MEI1: variants seen among roughly 807,000 people sequenced by gnomAD.
MEI1 encodes meiosis inhibitor protein 1.
MEI1 carries 103 observed loss-of-function variants against 146.2 expected under a neutral mutation model. The observed-to-expected ratio is 0.70, with a 90% CI of 0.60 to 0.83. MEI1 has a LOEUF of 0.83. Ranked by LOEUF, MEI1 falls within the 40% of genes least tolerant of loss-of-function variation. The pLI is 0.00. For missense variants in MEI1, 1,529 were observed against 1,533.0 expected (o/e 1.00, Z 0.04); for synonymous variants, 652 against 628.2 (o/e 1.04, Z -0.57).
chr22:41,761,528 A>G (rs892292268), intron 18 of MEI1, among the ~76,000 whole-genome samples: 1 of 151,856 alleles, frequency 6.6e-6, no homozygotes, highest in Non-Finnish European at 1.5e-5. Context: ...GTTAGCCAGG[A>G]TGGTCTGGAT....
rs757678872 is a variant in MEI1, at chr22:41,776,200, T to C, written c.2643T>C (p.Leu881=). The part of the protein sequence containing the change: ...RRNEDIQVGG[L]IRGHFLLILQ... ...ATGAGGATATCCAAGTGGGCGGTCT[T>C]ATCCGAGGCCACTTCCTGCTGATCC... The change falls in exon 21 of 31, where the codon CTT becomes CTC. Residue 881 remains leucine, a synonymous_variant. Transcript: ENST00000401548. 4 of 1,613,996 alleles carry C rather than the reference T, an allele frequency of 2.5e-6. No homozygotes were observed. The Admixed American group carries it at 6.7e-5, about 27-fold the overall frequency.
In MEI1 at chr22:41,793,895, C is replaced by A. The variant is rs755830315; in HGVS notation, c.3412C>A (p.Arg1138=). ...LEALLDYLDA[R]SPDIALHVAS... is the part of the protein sequence containing the mutation. ...GGCCTTGCTTGACTACCTGGATGCC[C>A]GGAGCCCAGACATTGGTAGAAACTC... Residue 1138 remains arginine, a synonymous_variant, in exon 27 of 31, where the codon CGG becomes AGG. Transcript: ENST00000401548. 37 of 1,612,506 alleles carry A rather than the reference C, an allele frequency of 2.3e-5. No homozygotes were observed. The highest frequency in any genetic ancestry group is 3.3e-5 in the Admixed American group (2 of 59,796).
rs766356819 is a variant in MEI1 at position 41,743,161 on chromosome 22, G to A, written c.1413G>A (p.Glu471=). The part of the protein sequence containing the change: ...LLEAMLNRCA[E]FSQTLLSRRP... Reference sequence around the variant, plus strand: ...AAGCCATGCTAAACCGATGTGCGGAGTTTTCCCAGACCTTGCTGAGCAGGA... The same window carrying A: ...AAGCCATGCTAAACCGATGTGCGGAATTTTCCCAGACCTTGCTGAGCAGGA... The change falls in exon 12 of 31, where the codon GAG becomes GAA. Residue 471 remains glutamate (E), a synonymous_variant. Coordinates refer to ENST00000401548, the MANE Select transcript of MEI1 (RefSeq NM_152513.4). 2 of 1,613,238 alleles carry A rather than the reference G, an allele frequency of 1.2e-6. No individual in the cohort carries two copies. The highest frequency in any genetic ancestry group is 2.2e-5 in the South Asian group (2 of 91,018).
intron 3 of MEI1, among the ~76,000 whole-genome samples, chr22:41,710,836 T>C (rs1158988902): frequency 6.6e-6 from 1 of 152,214 alleles, no homozygotes; most frequent in Non-Finnish European, 1.5e-5. Flanking sequence ...AATCTCTGCC[T>C]CTCCATTTGC....
At chr22:41,744,502 TTTTTTTTTTTTTTG>T (rs2073138490) in intron 12 of MEI1, among the ~76,000 whole-genome samples, 1 of 4,324 alleles carries the variant, frequency 2.3e-4, no homozygotes, top group South Asian at 6.3e-3. Flanking sequence ...TTTTTTTTTT[TTTTTTTTTTTTTTG>T]AGACGGAGTC....
At chr22:41,722,225 G>C (rs559381067) in intron 6 of MEI1, 54 of 151,648 alleles carry the variant, frequency 3.6e-4, no homozygotes, top group African/African-American at 1.3e-3. Flanking sequence ...AAGCACCAAG[G>C]GTCTTATATT....
intron 15 of MEI1, among the ~76,000 whole-genome samples, chr22:41,751,632 C>T (rs572965028): frequency 3.3e-5 from 5 of 152,058 alleles, no homozygotes; most frequent in Admixed American, 1.3e-4. Context: ...ATTAGCTGGG[C>T]GTGGTGGCGC....
intron 6 of MEI1, among the ~76,000 whole-genome samples, chr22:41,719,649 T>C (rs2070559557): frequency 6.6e-6 from 1 of 152,148 alleles, no homozygotes; most frequent in South Asian, 2.1e-4. Context: ...GGGGATTCAG[T>C]TTCCAACACA....
chr22:41,784,850 G>A (rs115198929), intron 26 of MEI1, 67 bp downstream of exon 26: 49 of 1,373,540 alleles, frequency 3.6e-5, no homozygotes, highest in South Asian at 1.4e-4. Context: ...GCTGCCTGTC[G>A]AGAGCCTGAT....
At chr22:41,766,714 C>G (rs1157041507) in intron 19 of MEI1, among the ~76,000 whole-genome samples, 5 of 151,774 alleles carry the variant, frequency 3.3e-5, no homozygotes, top group Admixed American at 6.6e-5. Flanking sequence ...ATATGCCTGG[C>G]TAATTATTTT....
intron 6 of MEI1, among the ~76,000 whole-genome samples, chr22:41,718,545 C>T (rs1347545346): frequency 6.6e-6 from 1 of 152,192 alleles, no homozygotes; most frequent in African/African-American, 2.4e-5. Flanking sequence ...CCTGTATTTG[C>T]TGGCAAGTTA....
rs6147630 is a variant in MEI1 at position 41,716,355 on chromosome 22, CTTTTTTTTTTTTTTTTTTTTTTT to C, written c.529+225_529+247del. Among the ~76,000 whole-genome samples the C allele has an allele frequency of 1.6e-3, 187 of 118,540 alleles. 5 individuals are homozygous for C. In the South Asian group the frequency reaches 0.033, roughly 21 times the overall value. 77.8% of individuals were successfully genotyped at this position (118,540 alleles called of 152,430 possible). A position where few individuals can be genotyped will look rare whatever the true frequency, so the allele number is the denominator to read the frequency against. On this transcript the variant is annotated intron_variant, in intron 5 of 30. Transcript: ENST00000401548. ...TATTCTTGGACTATTTCCATTCATTCTTTTTTTTTTTTTTTTTTTTTTTTTTTTTTTTTTTTTTGAGACGGAGT... is the reference window on the plus strand; with the variant it reads ...TATTCTTGGACTATTTCCATTCATTCTTTTTTTTTTTTTTTGAGACGGAGT...
intron 5 of MEI1, among the ~76,000 whole-genome samples, chr22:41,716,355 CTTTTTTTTTTT>C (rs6147630): frequency 2.5e-5 from 3 of 118,578 alleles, no homozygotes; most frequent in Admixed American, 1.0e-4. Flanking sequence ...TCCATTCATT[CTTTTTTTTTTT>C]TTTTTTTTTT....
intron 3 of MEI1, chr22:41,709,568 T>G (rs1186739977): frequency 1.6e-5 from 8 of 493,218 alleles, no homozygotes; most frequent in East Asian, 1.0e-4. Flanking sequence ...GTCCAGGGGT[T>G]GTTCTCGCCT....
rs750037014 is a variant in MEI1, at chr22:41,799,236, C to T, written c.3780-18C>T. ...GGCCCCACTTCTCTGCTGTTTTCCTCTCATGTTTTGCTGCCAGCTGCCTGG... is the reference window on the plus strand; with the variant it reads ...GGCCCCACTTCTCTGCTGTTTTCCTTTCATGTTTTGCTGCCAGCTGCCTGG... On this transcript the variant is annotated intron_variant, in intron 30 of 30. Transcript: ENST00000401548. The T allele has an allele frequency of 1.9e-6, 3 of 1,612,804 alleles. No homozygotes were observed. The highest frequency in any genetic ancestry group is 1.3e-5 in the African/African-American group (1 of 74,866).
intron 26 of MEI1, among the ~76,000 whole-genome samples, chr22:41,787,290 T>G (rs1316640972): frequency 3.3e-5 from 5 of 152,070 alleles, no homozygotes; most frequent in African/African-American, 1.2e-4. Context: ...AGAATGGGCT[T>G]TTTTTTTCCT....
At chr22:41,770,190 G>A (rs1299653713) in intron 19 of MEI1, among the ~76,000 whole-genome samples, 1 of 151,802 alleles carries the variant, frequency 6.6e-6, no homozygotes, top group African/African-American at 2.4e-5. Context: ...TCTGTGCCAG[G>A]CCCTATGCTA....
chr22:41,699,553 G>A lies in MEI1; in HGVS notation c.15G>A (p.Gln5=), dbSNP rs775424110. 21 of 1,611,548 alleles carry A rather than the reference G, an allele frequency of 1.3e-5. No individual in the cohort carries two copies. The highest frequency in any genetic ancestry group is 7.7e-5 in the South Asian group (7 of 90,874). The stretch of plus-strand genomic sequence containing the variant: ...CAAGCGAGGAGATGGCTGTGAGGCA[G>A]GCGGCGACGGCGGGCACTCCCGGGC... MAVR[Q]AATAGTPGPR... Residue 5 remains glutamine (Q), a synonymous_variant, in exon 1 of 31, where the codon CAG becomes CAA. Transcript: ENST00000401548.
Position 41,711,816 on chromosome 22 carries a change from A to C in MEI1, c.350-2186A>C, listed in dbSNP as rs866798097. On this transcript the variant is annotated intron_variant, in intron 3 of 30. Coordinates refer to ENST00000401548, the MANE Select transcript of MEI1 (RefSeq NM_152513.4). ...AGGGTGGGTTTGGAGCTAAGAGATAATGTTGTAATAATTGGCTATAGGAAC... is the reference window on the plus strand; with the variant it reads ...AGGGTGGGTTTGGAGCTAAGAGATACTGTTGTAATAATTGGCTATAGGAAC... 2.6e-5 allele frequency among the ~76,000 whole-genome samples: 4 copies of C among 152,144 alleles called. No homozygotes were observed. In the South Asian group the frequency reaches 8.3e-4, roughly 31 times the overall value.
Sources: allele counts gnomAD v4.1 joint callset (sites outside exome capture counted in the v4.1 genomes callset), GRCh38; gene constraint gnomAD v4.1.1; transcripts MANE v1.5; gene names NCBI Gene and HGNC (gene_info 2026-07-23, HGNC 2026-07-21).